SLC14A2: variants seen among roughly 807,000 people sequenced by gnomAD.
SLC14A2 encodes solute carrier family 14 member 2, also known as urea transporter 2.
A neutral mutation model predicts 104.6 loss-of-function variants in SLC14A2; 91 were observed. That is an observed-to-expected ratio of 0.87 (90% CI 0.73 to 1.04). The LOEUF is 1.04. Ranked by LOEUF, SLC14A2 falls within the 50% of genes least tolerant of loss-of-function variation. The probability of loss-of-function intolerance (pLI) is 0.00; values close to 1 mark genes in which losing one functional copy is unlikely to be tolerated. For synonymous variants in SLC14A2, 476 were observed against 466.4 expected (o/e 1.02, Z -0.27); for missense variants, 1,189 against 1,156.0 (o/e 1.03, Z -0.41).
chr18:45,541,095 C>A (rs572791846), intron 2 of SLC14A2, among the ~76,000 whole-genome samples: 14 of 152,314 alleles, frequency 9.2e-5, no homozygotes, highest in African/African-American at 3.4e-4. Flanking sequence ...ATAGGAAGCT[C>A]AGAGTCTAGG....
chr18:45,606,754 AAAAAC>A (rs1415635866), intron 2 of SLC14A2, among the ~76,000 whole-genome samples: 13 of 15,672 alleles, frequency 8.3e-4, no homozygotes, highest in African/African-American at 2.8e-3. Context: ...AAAACAAAAC[AAAAAC>A]AAAAAAAAAA....
intron 1 of SLC14A2, among the ~76,000 whole-genome samples, chr18:45,324,003 G>A (rs998292980): frequency 1.3e-5 from 2 of 152,224 alleles, no homozygotes. Flanking sequence ...GAAGGCAAAA[G>A]AGAAAATGTG....
In SLC14A2 at chr18:45,629,872, G is replaced by A. The variant is rs575598091; in HGVS notation, c.522-2478G>A. On this transcript the variant is annotated intron_variant, in intron 4 of 19. Coordinates refer to ENST00000255226, the MANE Select transcript of SLC14A2 (RefSeq NM_007163.4). ...CAAGTGTCATTTGATGGGTCCTACA[G>A]TACCTAGTGCTCAATCAACATCACA... Among the ~76,000 whole-genome samples the A allele has an allele frequency of 2.6e-4, 39 of 152,300 alleles. 1 individual carries two copies. The highest frequency in any genetic ancestry group is 9.4e-4 in the African/African-American group (39 of 41,562).
At position 45,632,827 on chromosome 18, in the gene SLC14A2, G is replaced by A. The variant is rs111512275; in HGVS notation, c.650+349G>A. Reference sequence around the variant, plus strand: ...CAAGTAGCTGGGACTACAGGCACCCGCCACCACGCCCAGCTAATTTTTTGT... The same window carrying A: ...CAAGTAGCTGGGACTACAGGCACCCACCACCACGCCCAGCTAATTTTTTGT... On this transcript the variant is annotated intron_variant, in intron 5 of 19. Transcript: ENST00000255226. 4.9e-3 allele frequency among the ~76,000 whole-genome samples: 745 copies of A among 152,160 alleles called. 9 individuals carry two copies. The highest frequency in any genetic ancestry group is 0.017 in the African/African-American group (698 of 41,506).
At chr18:45,331,614 C>T (rs2085291519) in intron 1 of SLC14A2, among the ~76,000 whole-genome samples, 1 of 151,924 alleles carries the variant, frequency 6.6e-6, no homozygotes, top group Non-Finnish European at 1.5e-5. Context: ...TGGCATGAAC[C>T]CAGGAGGCGG....
intron 1 of SLC14A2, among the ~76,000 whole-genome samples, chr18:45,352,744 G>A (rs1010954782): frequency 5.3e-5 from 8 of 152,160 alleles, no homozygotes; most frequent in African/African-American, 1.9e-4. Context: ...CAAGCTTCCC[G>A]GAAGAAAGGA....
intron 1 of SLC14A2, among the ~76,000 whole-genome samples, chr18:45,290,659 G>A (rs1215261210): frequency 6.6e-6 from 1 of 152,184 alleles, no homozygotes; most frequent in Non-Finnish European, 1.5e-5. Context: ...GGGTTTCGAA[G>A]GCTTGACGTG....
chr18:45,186,539 A>G, the SLC14A2 span, among the ~76,000 whole-genome samples: 1 of 152,218 alleles, frequency 6.6e-6, no homozygotes, highest in African/African-American at 2.4e-5. Context: ...ACTCATGCAC[A>G]TAGACAGCCA....
In SLC14A2 at chr18:45,624,713, A is replaced by T. The variant is rs1353085470; in HGVS notation, c.49A>T (p.Arg17Ter). Residue 17 changes from arginine to a stop codon, truncating the protein, a stop_gained, in exon 2 of 20, where the codon AGA becomes TGA. Transcript: ENST00000255226. LOFTEE classifies it high-confidence loss of function. ...SPLLPEPLSS[R>*]YKLYEAEFTS... ...TCTCCTGCCAGAGCCACTTTCCAGC[A>T]GATACAAACTCTACGAGGCAGAGTT... 6.2e-7 allele frequency: 1 copy of T among 1,613,458 alleles called. No individual in the cohort carries two copies. Among genetic ancestry groups the T allele is most frequent in the African/African-American group, 1.3e-5 (1 of 75,036 alleles).
At chr18:45,553,948 T>C (rs967330402) in intron 2 of SLC14A2, among the ~76,000 whole-genome samples, 5 of 152,078 alleles carry the variant, frequency 3.3e-5, no homozygotes, top group Non-Finnish European at 5.9e-5. Context: ...AGAAAGGCAA[T>C]GGTGTATGCT....
intron 2 of SLC14A2, among the ~76,000 whole-genome samples, chr18:45,572,620 T>C (rs1163416352): frequency 6.6e-6 from 1 of 152,230 alleles, no homozygotes; most frequent in East Asian, 1.9e-4. Flanking sequence ...TCTTTAAGTC[T>C]CAATCCAGAA....
At chr18:45,648,195 CTTT>C (rs59843067) in intron 10 of SLC14A2, among the ~76,000 whole-genome samples, 1 of 101,246 alleles carries the variant, frequency 9.9e-6, no homozygotes, top group African/African-American at 3.9e-5. Context: ...CTAGTTAATG[CTTT>C]TTTTTTTTTT....
chr18:45,433,747 C>A (rs1430472402), intron 1 of SLC14A2, among the ~76,000 whole-genome samples: 1 of 152,152 alleles, frequency 6.6e-6, no homozygotes, highest in Non-Finnish European at 1.5e-5. Context: ...TGCTTAAGAT[C>A]AGGGCATTTA....
At chr18:45,638,928 T>A (rs1391462113) in intron 6 of SLC14A2, among the ~76,000 whole-genome samples, 1 of 152,130 alleles carries the variant, frequency 6.6e-6, no homozygotes, top group African/African-American at 2.4e-5. Flanking sequence ...CCCTCCTTTC[T>A]TTTTCTGCCC....
chr18:45,376,486 G>A (rs1377392309), intron 1 of SLC14A2, among the ~76,000 whole-genome samples: 1 of 152,150 alleles, frequency 6.6e-6, no homozygotes, highest in African/African-American at 2.4e-5. Flanking sequence ...ATTCTGCTAA[G>A]GGTTACTGAG....
At chr18:45,516,572 A>T (rs1364448840) in intron 2 of SLC14A2, among the ~76,000 whole-genome samples, 1 of 152,230 alleles carries the variant, frequency 6.6e-6, no homozygotes, top group African/African-American at 2.4e-5. Flanking sequence ...TACCTTTTAT[A>T]TGCAGGGGAG....
intron 2 of SLC14A2, among the ~76,000 whole-genome samples, chr18:45,571,318 T>G (rs976729804): frequency 6.6e-6 from 1 of 152,272 alleles, no homozygotes; most frequent in African/African-American, 2.4e-5. Context: ...CATGAGGGAC[T>G]GTTGCTCCCA....
intron 2 of SLC14A2, among the ~76,000 whole-genome samples, chr18:45,511,243 G>T (rs2043361795): frequency 6.6e-6 from 1 of 152,074 alleles, no homozygotes; most frequent in African/African-American, 2.4e-5. Flanking sequence ...TATTTACTCT[G>T]TGAGAAAATT....
At chr18:45,549,614 G>A (rs1458624697) in intron 2 of SLC14A2, among the ~76,000 whole-genome samples, 1 of 152,218 alleles carries the variant, frequency 6.6e-6, no homozygotes, top group Non-Finnish European at 1.5e-5. Flanking sequence ...CGCCTTATGT[G>A]GAGGCAAAAA....
Sources: gnomAD v4.1 joint callset for allele counts (sites outside exome capture counted in the v4.1 genomes callset) on GRCh38, gnomAD v4.1.1 for gene constraint, MANE v1.5 for transcripts, NCBI Gene and HGNC (gene_info 2026-07-23, HGNC 2026-07-21) for gene names.